The following PRKAA2 variants were observed in gnomAD, a reference collection of about 807,000 sequenced individuals.
The protein encoded by PRKAA2 is 5'-AMP-activated protein kinase catalytic subunit alpha-2.
Under a neutral mutation model 56.3 loss-of-function variants are expected in PRKAA2, and 40 were observed. The ratio of observed to expected loss-of-function variants is 0.71; its 90% CI spans 0.55 to 0.92. PRKAA2 has a LOEUF of 0.92. Among genes scored for constraint, PRKAA2 ranks in the 40% least tolerant of loss-of-function variants. The pLI is 0.00. For synonymous variants in PRKAA2, 214 were observed against 234.2 expected, an observed-to-expected ratio of 0.91 and a Z score of 0.79; for missense variants, 542 against 686.9, an observed-to-expected ratio of 0.79 and a Z score of 2.36.
intron 2 of PRKAA2, among the ~76,000 whole-genome samples, chr1:56,688,077 C>T (rs937003417): frequency 6.6e-6 from 1 of 152,128 alleles, no homozygotes; most frequent in African/African-American, 2.4e-5. Flanking sequence ...GTATTTTAGA[C>T]AGCACAAGAG....
At chr1:56,669,145 A>G (rs935256483) in intron 1 of PRKAA2, among the ~76,000 whole-genome samples, 13 of 152,108 alleles carry the variant, frequency 8.5e-5, no homozygotes, top group Non-Finnish European at 4.4e-5. Flanking sequence ...CTCTGTTTGA[A>G]TACTGGATGA....
chr1:56,666,014 A>T lies in PRKAA2; in HGVS notation c.95-8367A>T, dbSNP rs145198822. 3.9e-3 allele frequency among the ~76,000 whole-genome samples: 590 copies of T among 152,312 alleles called. 3 individuals carry two copies. Among genetic ancestry groups the T allele is most frequent in the Middle Eastern group, 0.02 (6 of 294 alleles). ...ATTCTTTAGGACTTGGAATATATAG[A>T]TAATAACTCTCTTTTGATAGGTGTT... On this transcript the variant is annotated intron_variant, in intron 1 of 8. Transcript: ENST00000371244.
intron 7 of PRKAA2, among the ~76,000 whole-genome samples, chr1:56,705,556 C>T (rs1448960586): frequency 4.6e-5 from 7 of 151,870 alleles, no homozygotes; most frequent in African/African-American, 7.3e-5. Context: ...CCACCACACT[C>T]GGCTGATTTT....
chr1:56,692,238 G>A, intron 3 of PRKAA2, 120 bp from the exon 4 acceptor site: 1 of 1,159,138 alleles, frequency 8.6e-7, no homozygotes, highest in Non-Finnish European at 1.3e-6. Flanking sequence ...CACCTTATTG[G>A]TCAGGCTGGT....
chr1:56,708,036 A>G lies in PRKAA2; in HGVS notation c.*323A>G. On this transcript the variant is annotated 3_prime_UTR_variant, in exon 9 of 9. Transcript: ENST00000371244. ...CACACTGGCGAACCATCTCAATGTA[A>G]GGGTGGTTTGGCAACACCTCCTTGC... is the stretch of plus-strand genomic sequence containing the variant. The G allele has an allele frequency of 3.3e-6, 1 of 299,214 alleles. No individual in the cohort carries two copies. Among genetic ancestry groups the G allele is most frequent in the Non-Finnish European group, 6.2e-6 (1 of 160,060 alleles). The allele number at this position is 299,214 out of a possible 1,614,324, so 18.5% of individuals were successfully genotyped here.
chr1:56,667,443 G>A (rs1644044103), intron 1 of PRKAA2, among the ~76,000 whole-genome samples: 1 of 152,074 alleles, frequency 6.6e-6, no homozygotes, highest in African/African-American at 2.4e-5. Flanking sequence ...ATTACATATG[G>A]TGTGTATTAA....
Position 56,695,956 on chromosome 1 carries a change from T to A in PRKAA2, c.585T>A (p.Val195=). The change falls in exon 6 of 9, where the codon GTT becomes GTA. Residue 195 remains valine (V), a synonymous_variant. Transcript: ENST00000371244. The part of the protein sequence containing the change: ...ISGRLYAGPE[V]DIWSCGVILY... ...TTAGATTGTATGCAGGTCCTGAAGT[T>A]GATATCTGGAGCTGTGGTGTTATCT... 11 of 1,612,828 alleles carry A rather than the reference T, an allele frequency of 6.8e-6. No homozygotes were observed. The highest frequency in any genetic ancestry group is 9.3e-6 in the Non-Finnish European group (11 of 1,179,798).
chr1:56,701,584 A>C (rs1249634226), intron 6 of PRKAA2, among the ~76,000 whole-genome samples: 1 of 152,156 alleles, frequency 6.6e-6, no homozygotes, highest in African/African-American at 2.4e-5. Flanking sequence ...GTAGAGCTAA[A>C]TAAGGTATGG....
Position 56,662,064 on chromosome 1 carries a change from A to C in PRKAA2, c.95-12317A>C, listed in dbSNP as rs561263698. The stretch of plus-strand genomic sequence containing the variant: ...TTATCATATTACTATATCCTTGATA[A>C]GTATCTTTTTTGTTGTTACTGATTC... On this transcript the variant is annotated intron_variant, in intron 1 of 8. Transcript: ENST00000371244. Among the ~76,000 whole-genome samples the C allele has an allele frequency of 1.2e-4, 18 of 152,278 alleles. No individual in the cohort carries two copies. The South Asian group carries it at 3.7e-3, about 32-fold the overall frequency.
At position 56,703,852 on chromosome 1, in the gene PRKAA2, G is replaced by A. The variant is rs544803509; in HGVS notation, c.789-119G>A. ...CTCAGGATCACATAGCTAGTAAGTG[G>A]CAGAGCTAGGTCTAGAGACCAGATC... On this transcript the variant is annotated intron_variant, in intron 6 of 8. Coordinates refer to ENST00000371244, the MANE Select transcript of PRKAA2 (RefSeq NM_006252.4). The A allele has an allele frequency of 1.5e-5, 17 of 1,124,676 alleles. No individual in the cohort carries two copies. In the South Asian group the frequency reaches 2.6e-4, roughly 17 times the overall value. The allele number at this position is 1,124,676 out of a possible 1,614,324, so 69.7% of individuals were successfully genotyped here.
At chr1:56,655,280 A>ATATATATT in intron 1 of PRKAA2, among the ~76,000 whole-genome samples, 100 of 93,648 alleles carry the variant, frequency 1.1e-3, no homozygotes, top group Admixed American at 4.1e-3. Context: ...ATATATATAT[A>ATATATATT]TTTTTTTTTT....
At chr1:56,672,600 C>T (rs1265878952) in intron 1 of PRKAA2, among the ~76,000 whole-genome samples, 2 of 152,032 alleles carry the variant, frequency 1.3e-5, no homozygotes, top group Non-Finnish European at 2.9e-5. Context: ...TACTAACCTT[C>T]AAAGAACAGG....
In PRKAA2 at chr1:56,709,752, A is replaced by C. The variant is rs1644357298; in HGVS notation, c.*2039A>C. On this transcript the variant is annotated 3_prime_UTR_variant, in exon 9 of 9. Transcript: ENST00000371244. The stretch of plus-strand genomic sequence containing the variant: ...AACAGAAGGAATCCAGTGATGTTTT[A>C]GCTCCATTAGTCTAATAGGTCAGAT... 1 of 152,186 alleles carries C rather than the reference A, an allele frequency of 6.6e-6. No individual in the cohort carries two copies. The highest frequency in any genetic ancestry group is 2.4e-5 in the African/African-American group (1 of 41,466). 9.4% of individuals were successfully genotyped at this position (152,186 alleles called of 1,614,324 possible). A position where few individuals can be genotyped will look rare whatever the true frequency, so the allele number is the denominator to read the frequency against.
At chr1:56,685,586 C>G (rs1192541341) in intron 2 of PRKAA2, among the ~76,000 whole-genome samples, 1 of 152,106 alleles carries the variant, frequency 6.6e-6, no homozygotes, top group Non-Finnish European at 1.5e-5. Flanking sequence ...CATTATATGC[C>G]TTTGGCTAGA....
chr1:56,661,055 A>C (rs1410701862), intron 1 of PRKAA2, among the ~76,000 whole-genome samples: 6 of 152,118 alleles, frequency 3.9e-5, no homozygotes, highest in Non-Finnish European at 1.5e-5. Context: ...TGTGCATTAC[A>C]TAACGCTGCT....
At position 56,704,212 on chromosome 1, in the gene PRKAA2, T is replaced by G. The variant is rs749485325; in HGVS notation, c.1030T>G (p.Ser344Ala). ...MNQASEFYLA[S>A]SPPSGSFMDD... The stretch of plus-strand genomic sequence containing the variant: ...CCAAGCCAGTGAGTTCTACCTCGCC[T>G]CTAGTCCTCCATCTGGTTCTTTTAT... Residue 344 changes from serine (S) to alanine (A), a missense_variant, in exon 7 of 9, where the codon TCT (serine) becomes GCT (alanine). By Grantham distance (99) the Ser-to-Ala change is moderately conservative. Around this residue, in one of 5 missense-constraint regions of PRKAA2, gnomAD observed 198 missense variants for 234.0 expected, o/e 0.85. Coordinates refer to ENST00000371244, the MANE Select transcript of PRKAA2 (RefSeq NM_006252.4). 1.9e-6 allele frequency: 3 copies of G among 1,614,180 alleles called. No individual in the cohort carries two copies. The highest frequency in any genetic ancestry group is 2.5e-6 in the Non-Finnish European group (3 of 1,180,032).
At chr1:56,689,581 T>C (rs1236792265) in intron 2 of PRKAA2, among the ~76,000 whole-genome samples, 1 of 151,936 alleles carries the variant, frequency 6.6e-6, no homozygotes, top group Non-Finnish European at 1.5e-5. Flanking sequence ...TAGCCGGGCA[T>C]GGTGGTGCAT....
chr1:56,680,132 G>T (rs1300096128), intron 2 of PRKAA2, among the ~76,000 whole-genome samples: 1 of 152,080 alleles, frequency 6.6e-6, no homozygotes, highest in Non-Finnish European at 1.5e-5. Flanking sequence ...ATGCACAGGG[G>T]TTGACACCCT....
At chr1:56,670,848 T>A (rs1312980486) in intron 1 of PRKAA2, among the ~76,000 whole-genome samples, 1 of 152,182 alleles carries the variant, frequency 6.6e-6, no homozygotes, top group East Asian at 1.9e-4. Context: ...TCATCTACTC[T>A]TTATGAATAT....
Sources: gnomAD v4.1 joint callset for allele counts (sites outside exome capture counted in the v4.1 genomes callset) on GRCh38, gnomAD v4.1.1 for gene constraint, gnomAD v4.1.1 regional missense constraint, MANE v1.5 for transcripts, NCBI Gene and HGNC (gene_info 2026-07-23, HGNC 2026-07-21) for gene names.